Variants in FAM20A observed in about 807,000 individuals in gnomAD.
FAM20A encodes FAM20A golgi associated secretory pathway pseudokinase, also known as pseudokinase FAM20A.
A neutral mutation model predicts 52.0 loss-of-function variants in FAM20A; 42 were observed. The ratio of observed to expected loss-of-function variants is 0.81; its 90% confidence interval spans 0.63 to 1.04. The LOEUF is 1.04. FAM20A is among the 50% of genes least tolerant of loss of function. FAM20A has a pLI of 0.00. For synonymous variants in FAM20A, 304 were observed against 298.9 expected (o/e 1.02, Z -0.18); for missense variants, 742 against 712.7 (o/e 1.04, Z -0.47).
rs2086082512 is a variant in FAM20A at position 68,535,828 on chromosome 17, A to C, written c.*1649T>G. ...AGCTGATTTTTTTTTTAAGCAAACA[A>C]ATTTGACTTCATAAATTGGGTGGGA... On this transcript the variant is annotated 3_prime_UTR_variant, in exon 11 of 11. Transcript: ENST00000592554. The C allele has an allele frequency of 2.2e-6, 1 of 453,896 alleles. No individual in the cohort carries two copies. Among genetic ancestry groups the C allele is most frequent in the African/African-American group, 2.0e-5 (1 of 50,024 alleles). The allele number at this position is 453,896 out of a possible 1,614,324, so 28.1% of individuals were successfully genotyped here.
chr17:68,565,457 G>T (rs577266698), intron 1 of FAM20A, among the ~76,000 whole-genome samples: 1 of 136,810 alleles, frequency 7.3e-6, no homozygotes, highest in Non-Finnish European at 1.5e-5. Context: ...GCAGTGGCCC[G>T]GTCTTGGTTC....
intron 1 of FAM20A, among the ~76,000 whole-genome samples, chr17:68,575,524 A>ATATATTT (rs1568767152): frequency 1.4e-5 from 1 of 70,186 alleles, no homozygotes; most frequent in African/African-American, 7.1e-5. Flanking sequence ...TTTATATATT[A>ATATATTT]TATAATATAT....
At position 68,537,686 on chromosome 17, in the gene FAM20A, G is replaced by C. The variant is rs750525198; in HGVS notation, c.1417C>G (p.Leu473Val). The C allele has an allele frequency of 1.2e-6, 2 of 1,613,592 alleles. No individual in the cohort carries two copies. Among genetic ancestry groups the C allele is most frequent in the Admixed American group, 1.7e-5 (1 of 59,958 alleles). Residue 473 changes from leucine (L) to valine (V), a missense_variant, in exon 11 of 11, where the codon CTC becomes GTC. By Grantham distance (32) the Leu-to-Val change is conservative. Transcript: ENST00000592554. This position sits in a 1 kb window ranked among gnomAD's most constrained non-coding sequence, Gnocchi z 4.2. ...AGTGATTCTCGCATCACATCGCTGAGTCTGTAGTCAGCTTGGGCCAGCAGC... is the reference window on the plus strand; with the variant it reads ...AGTGATTCTCGCATCACATCGCTGACTCTGTAGTCAGCTTGGGCCAGCAGC... The part of the protein sequence containing the change: ...LQLLAQADYR[L>V]SDVMRESLLE...
At chr17:68,542,298 GA>G in intron 6 of FAM20A, 133 bp from the exon 7 acceptor site, 2 of 1,018,012 alleles carry the variant, frequency 2.0e-6, no homozygotes, top group Non-Finnish European at 2.9e-6. Flanking sequence ...GAAGAAGAAG[GA>G]AACATTGACT....
chr17:68,547,243 G>A (rs1264597580), intron 4 of FAM20A, among the ~76,000 whole-genome samples: 1 of 152,156 alleles, frequency 6.6e-6, no homozygotes, highest in East Asian at 1.9e-4. Context: ...AAGAGAGTCA[G>A]CCTGTCCTTT....
In FAM20A at chr17:68,535,117, C is replaced by CA. The variant is rs2143423141; in HGVS notation, c.*2359dup. ...TGTCAGTAGTAACTTGAAAAGTTCT[C>CA]AGAGTCAAGAGACTTTTTATTTCAT... On this transcript the variant is annotated 3_prime_UTR_variant, in exon 11 of 11. Coordinates refer to ENST00000592554, the MANE Select transcript of FAM20A (RefSeq NM_017565.4). 5.5e-6 allele frequency: 2 copies of CA among 365,542 alleles called. No individual in the cohort carries two copies. The highest frequency in any genetic ancestry group is 4.2e-5 in the South Asian group (2 of 47,318). The allele number at this position is 365,542 out of a possible 1,614,324, so 22.6% of individuals were successfully genotyped here.
chr17:68,545,687 T>C (rs2086522561), intron 4 of FAM20A, among the ~76,000 whole-genome samples: 1 of 152,226 alleles, frequency 6.6e-6, no homozygotes, highest in Admixed American at 6.5e-5. Flanking sequence ...TGCTGTTTGA[T>C]AGCATTTTAC....
chr17:68,583,173 C>T (rs1043166480), intron 1 of FAM20A, among the ~76,000 whole-genome samples: 2 of 152,098 alleles, frequency 1.3e-5, no homozygotes, highest in African/African-American at 4.8e-5. Flanking sequence ...TATATACAAA[C>T]AGCATTTTAG....
rs1409021700 is a variant in FAM20A, at chr17:68,536,126, G to A, written c.*1351C>T. 4 of 454,106 alleles carry A rather than the reference G, an allele frequency of 8.8e-6. No individual in the cohort carries two copies. Among genetic ancestry groups the A allele is most frequent in the Admixed American group, 4.7e-5 (2 of 42,586 alleles). The allele number at this position is 454,106 out of a possible 1,614,324, so 28.1% of individuals were successfully genotyped here. On this transcript the variant is annotated 3_prime_UTR_variant, in exon 11 of 11. Coordinates refer to ENST00000592554, the MANE Select transcript of FAM20A (RefSeq NM_017565.4). ...CATACCAGTCATGTGGGGGTACCAC[G>A]GGGTCAGAAGTGTTATTTGTCCAGT...
intron 1 of FAM20A, among the ~76,000 whole-genome samples, chr17:68,580,554 G>A (rs979577662): frequency 2.0e-5 from 3 of 152,174 alleles, no homozygotes; most frequent in East Asian, 1.9e-4. Flanking sequence ...AGTAAAACCC[G>A]CCCAGAGAGG....
Position 68,540,058 on chromosome 17 carries a change from A to C in FAM20A, c.1220-92T>G. On this transcript the variant is annotated intron_variant, in intron 8 of 10. Transcript: ENST00000592554. ...TCTCTCCAGGGAACGGAGGCCTGTC[A>C]TCACTTGAGAGACAGGGGTGTGAAC... 3 of 1,084,412 alleles carry C rather than the reference A, an allele frequency of 2.8e-6. No individual in the cohort carries two copies. In the South Asian group the frequency reaches 3.9e-5, roughly 14 times the overall value. 67.2% of individuals were successfully genotyped at this position (1,084,412 alleles called of 1,614,324 possible). A position where few individuals can be genotyped will look rare whatever the true frequency, so the allele number is the denominator to read the frequency against.
chr17:68,567,558 G>A (rs1464179734), intron 1 of FAM20A, among the ~76,000 whole-genome samples: 2 of 151,906 alleles, frequency 1.3e-5, no homozygotes, highest in East Asian at 3.8e-4. Context: ...GGAGAAACCA[G>A]TAAGAAAGTG....
At chr17:68,577,896 G>A (rs974570039) in intron 1 of FAM20A, among the ~76,000 whole-genome samples, 2 of 152,106 alleles carry the variant, frequency 1.3e-5, no homozygotes, top group African/African-American at 4.8e-5. Flanking sequence ...ACTAACACAC[G>A]TGTTAGTTGC....
rs34824326 is a variant in FAM20A at position 68,551,688 on chromosome 17, AATTATT to A, written c.719+179_719+184del. Among the ~76,000 whole-genome samples the A allele has an allele frequency of 9.3e-3, 1,249 of 134,822 alleles. 13 individuals are homozygous for A. The highest frequency in any genetic ancestry group is 0.022 in the African/African-American group (784 of 35,786). The allele number at this position is 134,822 out of a possible 152,430, so 88.4% of individuals were successfully genotyped here. ...AAAAAGACAAGCTCTTAGTATTTTC[AATTATT>A]ATTATTATTATTATTATTATTATTA... On this transcript the variant is annotated intron_variant, in intron 4 of 10. Coordinates refer to ENST00000592554, the MANE Select transcript of FAM20A (RefSeq NM_017565.4).
At chr17:68,596,201 C>CCA (rs140687859) in intron 1 of FAM20A, among the ~76,000 whole-genome samples, 4,392 of 149,558 alleles carry the variant, frequency 0.029, 146 homozygotes, top group African/African-American at 0.085. Context: ...ATGTGGGAAA[C>CCA]CACACACACA....
intron 1 of FAM20A, among the ~76,000 whole-genome samples, chr17:68,568,469 AAAATAAATAAAT>A (rs372359079): frequency 1.3e-5 from 2 of 151,012 alleles, no homozygotes; most frequent in East Asian, 1.9e-4. Context: ...CTCCATCTCT[AAAATAAATAAAT>A]AAATAAATAA....
rs572845814 is a variant in FAM20A at position 68,562,732 on chromosome 17, A to G, written c.405-6989T>C. 5.3e-5 allele frequency among the ~76,000 whole-genome samples: 8 copies of G among 152,240 alleles called. No individual in the cohort carries two copies. In the East Asian group the frequency reaches 1.2e-3, roughly 22 times the overall value. ...CTGTGACCCACAATTTCAGATCACA[A>G]TGCCCCATCTCCTTGAGTCCCTGTG... is the stretch of plus-strand genomic sequence containing the variant. On this transcript the variant is annotated intron_variant, in intron 1 of 10. Coordinates refer to ENST00000592554, the MANE Select transcript of FAM20A (RefSeq NM_017565.4).
intron 1 of FAM20A, among the ~76,000 whole-genome samples, chr17:68,561,736 G>A (rs762046140): frequency 6.6e-6 from 1 of 151,912 alleles, no homozygotes; most frequent in South Asian, 2.1e-4. Flanking sequence ...TTATTATAAT[G>A]TCTTCTTGAA....
chr17:68,570,176 G>C (rs989809094), intron 1 of FAM20A, among the ~76,000 whole-genome samples: 10 of 152,152 alleles, frequency 6.6e-5, no homozygotes, highest in African/African-American at 2.4e-4. Flanking sequence ...CCCAGGTTCA[G>C]GTGATTCTCC....
Sources: gnomAD v4.1 joint callset for allele counts (sites outside exome capture counted in the v4.1 genomes callset) on GRCh38, gnomAD v4.1.1 for gene constraint, Gnocchi (gnomAD v3.1) non-coding constraint, MANE v1.5 for transcripts, NCBI Gene and HGNC (gene_info 2026-07-23, HGNC 2026-07-21) for gene names.